Variants in ASIC2 observed in about 807,000 individuals in gnomAD.
ASIC2 encodes acid sensing ion channel subunit 2.
A neutral mutation model predicts 57.3 loss-of-function variants in ASIC2; 25 were observed. That is an observed-to-expected ratio of 0.44 (90% confidence interval 0.32 to 0.61). ASIC2 has a LOEUF of 0.61. Ranked by LOEUF, ASIC2 falls within the 20% of genes least tolerant of loss-of-function variation. The pLI, the probability that ASIC2 is intolerant of heterozygous loss-of-function variation, is 0.06. For synonymous variants in ASIC2, 319 were observed against 307.5 expected (o/e 1.04, Z -0.39); for missense variants, 641 against 738.1 (o/e 0.87, Z 1.52).
At chr17:33,490,675 C>T (rs1434037790) in intron 1 of ASIC2, among the ~76,000 whole-genome samples, 1 of 152,156 alleles carries the variant, frequency 6.6e-6, no homozygotes, top group Admixed American at 6.5e-5. Context: ...TGCGAGGCCT[C>T]CCCAGCCACG....
At chr17:34,144,589 T>A (rs1912366379) in intron 1 of ASIC2, among the ~76,000 whole-genome samples, 1 of 152,210 alleles carries the variant, frequency 6.6e-6, no homozygotes, top group Non-Finnish European at 1.5e-5. Context: ...ACTTATATTA[T>A]TTCACTCAAT....
intron 1 of ASIC2, among the ~76,000 whole-genome samples, chr17:33,441,697 C>T (rs1293581470): frequency 6.6e-6 from 1 of 152,118 alleles, no homozygotes; most frequent in Non-Finnish European, 1.5e-5. Flanking sequence ...TTTGTTATCT[C>T]TGAAGACACA....
At chr17:33,833,936 A>G (rs1377334788) in intron 1 of ASIC2, 3 of 152,182 alleles carry the variant, frequency 2.0e-5, no homozygotes, top group Non-Finnish European at 2.9e-5. Context: ...GGTGGCACAC[A>G]CCTGTAATTC....
At chr17:33,943,703 A>G (rs1274634507) in intron 1 of ASIC2, among the ~76,000 whole-genome samples, 12 of 148,362 alleles carry the variant, frequency 8.1e-5, no homozygotes, top group African/African-American at 3.2e-4. Context: ...AAAAAAAAAA[A>G]AAAAAAAAAT....
intron 1 of ASIC2, among the ~76,000 whole-genome samples, chr17:33,883,752 C>A (rs1178385058): frequency 6.6e-6 from 1 of 152,208 alleles, no homozygotes; most frequent in East Asian, 1.9e-4. Flanking sequence ...TTCCTGCATC[C>A]CCTGAATTCA....
At chr17:34,092,435 G>C (rs1217854201) in intron 1 of ASIC2, among the ~76,000 whole-genome samples, 1 of 152,188 alleles carries the variant, frequency 6.6e-6, no homozygotes, top group African/African-American at 2.4e-5. Flanking sequence ...AAGTGATTAA[G>C]TCCCACCCTT....
chr17:33,945,862 G>A (rs147696538), intron 1 of ASIC2, among the ~76,000 whole-genome samples: 47 of 152,300 alleles, frequency 3.1e-4, no homozygotes, highest in Non-Finnish European at 1.5e-4. Context: ...CCTGATAAGT[G>A]GAATTCATGC....
At chr17:33,169,966 C>T (rs772050935) in intron 1 of ASIC2, among the ~76,000 whole-genome samples, 2 of 152,010 alleles carry the variant, frequency 1.3e-5, no homozygotes, top group Non-Finnish European at 2.9e-5. Context: ...GTGCTGTGGC[C>T]CCCCAAGATG....
At chr17:33,128,146 C>A (rs2092331356) in intron 1 of ASIC2, among the ~76,000 whole-genome samples, 1 of 152,216 alleles carries the variant, frequency 6.6e-6, no homozygotes, top group Non-Finnish European at 1.5e-5. Context: ...GACAACCTAC[C>A]CACTGCTCGG....
chr17:33,214,684 G>A (rs373054926), intron 1 of ASIC2, among the ~76,000 whole-genome samples: 1 of 129,266 alleles, frequency 7.7e-6, no homozygotes, highest in Non-Finnish European at 1.7e-5. Flanking sequence ...GCCTTTATAA[G>A]TTCCCAGGTG....
chr17:33,416,353 C>T (rs1167247395), intron 1 of ASIC2, among the ~76,000 whole-genome samples: 1 of 152,246 alleles, frequency 6.6e-6, no homozygotes, highest in Non-Finnish European at 1.5e-5. Context: ...GACATCCACA[C>T]TTCCTCTTTT....
At chr17:33,191,378 G>A (rs1009695728) in intron 1 of ASIC2, among the ~76,000 whole-genome samples, 1 of 152,072 alleles carries the variant, frequency 6.6e-6, no homozygotes, top group East Asian at 1.9e-4. Context: ...GTTGGGTGGG[G>A]GGTAATGGAA....
chr17:33,101,878 T>C (rs891441608), intron 2 of ASIC2, among the ~76,000 whole-genome samples: 1 of 152,202 alleles, frequency 6.6e-6, no homozygotes, highest in African/African-American at 2.4e-5. Context: ...TGTTTTGTTT[T>C]ACCTTGCTTT....
At chr17:33,089,172 G>A (rs568134817) in intron 2 of ASIC2, among the ~76,000 whole-genome samples, 182 bp from the exon 3 acceptor site, 22 of 152,304 alleles carry the variant, frequency 1.4e-4, no homozygotes, top group Non-Finnish European at 2.9e-4. Context: ...TGGCAAAAGG[G>A]ACATTGCAGG....
In ASIC2 at chr17:34,156,523, T is replaced by C; in HGVS notation, c.10A>G (p.Lys4Glu). ...AGGCTGCCCTCACTGGGGCTTTCCT[T>C]GAGGTCCATCGGGACCCCGTGCAGT... Residue 4 changes from lysine (K) to glutamate (E), a missense_variant, in exon 1 of 10, where the codon AAG becomes GAG. Physicochemically the swap from Lys to Glu is moderately conservative, Grantham distance 56. Coordinates refer to the ASIC2 transcript ENST00000359872. The surrounding 1 kb of genome is among the most constrained non-coding windows in gnomAD (Gnocchi z 4.4). 3.1e-6 allele frequency: 5 copies of C among 1,593,434 alleles called. No individual in the cohort carries two copies. The highest frequency in any genetic ancestry group is 4.3e-6 in the Non-Finnish European group (5 of 1,166,278).
At chr17:33,876,192 T>C (rs1914542897) in intron 1 of ASIC2, among the ~76,000 whole-genome samples, 1 of 152,208 alleles carries the variant, frequency 6.6e-6, no homozygotes, top group South Asian at 2.1e-4. Flanking sequence ...TATGGCCTTC[T>C]GTAACACCAT....
At chr17:33,082,483 G>A (rs2092116841) in intron 3 of ASIC2, among the ~76,000 whole-genome samples, 1 of 152,114 alleles carries the variant, frequency 6.6e-6, no homozygotes, top group Non-Finnish European at 1.5e-5. Context: ...TGGATCACTT[G>A]AGGCCAGGAG....
chr17:33,857,559 C>T (rs1913994512), intron 1 of ASIC2, among the ~76,000 whole-genome samples: 1 of 152,142 alleles, frequency 6.6e-6, no homozygotes, highest in African/African-American at 2.4e-5. Flanking sequence ...CCTCTGGGGC[C>T]ACTGGTGAGA....
At chr17:33,114,468 A>G (rs541375442) in intron 1 of ASIC2, among the ~76,000 whole-genome samples, 3 of 152,336 alleles carry the variant, frequency 2.0e-5, no homozygotes, top group African/African-American at 7.2e-5. Context: ...AAATTGCTTA[A>G]AATATTAATT....
Sources: gnomAD v4.1 joint callset for allele counts (sites outside exome capture counted in the v4.1 genomes callset) on GRCh38, gnomAD v4.1.1 for gene constraint, Gnocchi (gnomAD v3.1) non-coding constraint, MANE v1.5 for transcripts, NCBI Gene and HGNC (gene_info 2026-07-23, HGNC 2026-07-21) for gene names.